RBFOX1: variants seen among roughly 807,000 people sequenced by gnomAD.
RBFOX1 encodes RNA binding protein fox-1 homolog 1.
RBFOX1 carries 8 observed loss-of-function variants against 57.7 expected under a neutral mutation model. That is an observed-to-expected ratio of 0.14 (90% CI 0.08 to 0.25). The LOEUF (loss-of-function observed/expected upper bound fraction) is 0.25, where lower values mean the gene tolerates loss of function less well. Ranked by LOEUF, RBFOX1 falls within the 10% of genes least tolerant of loss-of-function variation. The probability of loss-of-function intolerance (pLI) is 1.00; values close to 1 mark genes in which losing one functional copy is unlikely to be tolerated. For missense variants in RBFOX1, 611 were observed against 548.5 expected (o/e 1.11, Z -1.14); for synonymous variants, 326 against 222.4 (o/e 1.47, Z -4.15).
intron 2 of RBFOX1, among the ~76,000 whole-genome samples, chr16:6,426,705 T>A (rs78662245): frequency 6.6e-6 from 1 of 152,122 alleles, no homozygotes; most frequent in Non-Finnish European, 1.5e-5. Context: ...TATACCCCCA[T>A]TGAGACAGAA....
At chr16:6,679,011 CAA>C (rs544852635) in intron 3 of RBFOX1, among the ~76,000 whole-genome samples, 9 of 152,078 alleles carry the variant, frequency 5.9e-5, no homozygotes, top group Non-Finnish European at 1.2e-4. Context: ...TTTCAGATGT[CAA>C]AGAGATCGAC....
At chr16:6,074,270 C>G (rs191656043) in intron 1 of RBFOX1, among the ~76,000 whole-genome samples, 70 of 152,214 alleles carry the variant, frequency 4.6e-4, no homozygotes, top group African/African-American at 1.6e-3. Context: ...TCTCTCTCCC[C>G]CTCTCTGTTT....
Position 6,283,521 on chromosome 16 carries a change from C to T in RBFOX1, c.-126-33474C>T, listed in dbSNP as rs556364585. ...GTGTTATGGCACTGGTTGAACTTCACGTAGTATACATAGGTATTACCCAGC... is the reference window on the plus strand; with the variant it reads ...GTGTTATGGCACTGGTTGAACTTCATGTAGTATACATAGGTATTACCCAGC... On this transcript the variant is annotated intron_variant, in intron 1 of 15. Transcript: ENST00000550418. 4.6e-5 allele frequency among the ~76,000 whole-genome samples: 7 copies of T among 152,162 alleles called. No homozygotes were observed. The East Asian group carries it at 7.7e-4, about 17-fold the overall frequency.
At chr16:7,169,641 C>A (rs902200063) in intron 4 of RBFOX1, among the ~76,000 whole-genome samples, 19 of 152,210 alleles carry the variant, frequency 1.2e-4, no homozygotes, top group African/African-American at 3.9e-4. Context: ...AACAGAAATT[C>A]AGAGTGAATG....
At chr16:5,550,663 G>C (rs183281206) in intron 2 of RBFOX1, among the ~76,000 whole-genome samples, 2 of 152,152 alleles carry the variant, frequency 1.3e-5, no homozygotes, top group Non-Finnish European at 2.9e-5. Context: ...TTTATGGTAC[G>C]TTAGCAAATA....
At chr16:7,691,872 T>A (rs2077420629) in intron 14 of RBFOX1, among the ~76,000 whole-genome samples, 1 of 152,206 alleles carries the variant, frequency 6.6e-6, no homozygotes, top group Admixed American at 6.5e-5. Flanking sequence ...GGATAAATCA[T>A]GTCGCCATTC....
intron 3 of RBFOX1, among the ~76,000 whole-genome samples, chr16:5,745,319 C>G (rs569609205): frequency 1.3e-5 from 2 of 152,170 alleles, no homozygotes; most frequent in African/African-American, 2.4e-5. Flanking sequence ...ATATGTGCCA[C>G]AATTTCTTAA....
At chr16:5,286,243 G>C (rs1421073519) in intron 1 of RBFOX1, among the ~76,000 whole-genome samples, 1 of 152,188 alleles carries the variant, frequency 6.6e-6, no homozygotes, top group Non-Finnish European at 1.5e-5. Flanking sequence ...GCCAATCCCT[G>C]GGCCTCCAGG....
intron 4 of RBFOX1, among the ~76,000 whole-genome samples, chr16:7,356,936 GATC>G (rs2097224967): frequency 1.3e-5 from 2 of 152,178 alleles, no homozygotes; most frequent in Admixed American, 6.5e-5. Flanking sequence ...AGAAGATTGA[GATC>G]AAGTCTTGTT....
At chr16:5,879,710 C>G (rs542549712) in intron 4 of RBFOX1, among the ~76,000 whole-genome samples, 2 of 152,186 alleles carry the variant, frequency 1.3e-5, no homozygotes, top group African/African-American at 4.8e-5. Flanking sequence ...TCTCAATGGC[C>G]TACCCAAAGA....
intron 4 of RBFOX1, among the ~76,000 whole-genome samples, chr16:7,169,407 G>A (rs539985263): frequency 1.1e-4 from 17 of 152,324 alleles, no homozygotes; most frequent in African/African-American, 3.8e-4. Flanking sequence ...GATCCACTGT[G>A]CATTTGCACG....
intron 2 of RBFOX1, among the ~76,000 whole-genome samples, chr16:6,546,984 T>G (rs1490334442): frequency 6.6e-6 from 1 of 152,192 alleles, no homozygotes; most frequent in Non-Finnish European, 1.5e-5. Context: ...AGGGCTCTTT[T>G]TCTTGACTCA....
chr16:7,282,516 C>G (rs886641008), intron 4 of RBFOX1, among the ~76,000 whole-genome samples: 1 of 151,920 alleles, frequency 6.6e-6, no homozygotes, highest in Non-Finnish European at 1.5e-5. Flanking sequence ...CTCTTGCACC[C>G]TCTCCCTGGA....
At chr16:6,846,775 G>A (rs947708778) in intron 3 of RBFOX1, among the ~76,000 whole-genome samples, 36 of 152,098 alleles carry the variant, frequency 2.4e-4, no homozygotes, top group African/African-American at 8.5e-4. Flanking sequence ...GATAGGAGAT[G>A]GCCACTTTCT....
Position 5,548,131 on chromosome 16 carries a change from A to G in RBFOX1, c.259-50771A>G, listed in dbSNP as rs567834640. Among the ~76,000 whole-genome samples the G allele has an allele frequency of 5.5e-4, 80 of 145,382 alleles. 2 individuals are homozygous for G. The South Asian group carries it at 0.017, about 31-fold the overall frequency. On this transcript the variant is annotated intron_variant, in intron 2 of 2. Coordinates refer to the RBFOX1 transcript ENST00000585867. ...AGCTGAGATTGTGCCACTGCATTCC[A>G]GCCTGGGTGACAGAGCAAGACTCTG...
chr16:7,401,830 C>T (rs1023221266), intron 4 of RBFOX1, among the ~76,000 whole-genome samples: 3 of 152,056 alleles, frequency 2.0e-5, no homozygotes, highest in Non-Finnish European at 4.4e-5. Flanking sequence ...CACAGGAGGC[C>T]AAAAGAGTTT....
intron 4 of RBFOX1, among the ~76,000 whole-genome samples, chr16:7,120,859 A>G (rs1001678682): frequency 1.3e-5 from 2 of 150,380 alleles, no homozygotes; most frequent in African/African-American, 4.9e-5. Context: ...ACACACACAC[A>G]TACGTAAACA....
intron 4 of RBFOX1, among the ~76,000 whole-genome samples, chr16:7,091,124 G>T (rs560610332): frequency 1.0e-5 from 1 of 95,748 alleles, no homozygotes; most frequent in South Asian, 3.7e-4. Context: ...TAACCTTTTC[G>T]TTTCTCTTTA....
chr16:7,018,632 A>C (rs1360569547), intron 3 of RBFOX1, among the ~76,000 whole-genome samples: 1 of 152,116 alleles, frequency 6.6e-6, no homozygotes, highest in East Asian at 1.9e-4. Flanking sequence ...TTCTAGTTCT[A>C]GATCCTTGAG....
Sources: allele counts gnomAD v4.1 joint callset (sites outside exome capture counted in the v4.1 genomes callset), GRCh38; gene constraint gnomAD v4.1.1; transcripts MANE v1.5; gene names NCBI Gene and HGNC (gene_info 2026-07-23, HGNC 2026-07-21).